RAB10: variants seen among roughly 807,000 people sequenced by gnomAD.
RAB10 encodes ras-related protein Rab-10.
Under a neutral mutation model 25.7 loss-of-function variants are expected in RAB10, and 5 were observed. The observed-to-expected ratio is 0.19, with a 90% CI of 0.10 to 0.41. The LOEUF is 0.41. Among genes scored for constraint, RAB10 ranks in the 10% least tolerant of loss-of-function variants. The pLI is 1.00. For missense variants in RAB10, 103 were observed against 245.8 expected, an observed-to-expected ratio of 0.42 and a Z score of 3.89; for synonymous variants, 89 against 86.4, an observed-to-expected ratio of 1.03 and a Z score of -0.16.
intron 1 of RAB10, among the ~76,000 whole-genome samples, chr2:26,096,124 T>C (rs948402792): frequency 6.6e-6 from 1 of 152,226 alleles, no homozygotes; most frequent in African/African-American, 2.4e-5. Flanking sequence ...TTTCAGTTTA[T>C]TGGGACTGCT....
At position 26,034,630 on chromosome 2, in the gene RAB10, C is replaced by A. The variant is rs764009201; in HGVS notation, c.22C>A (p.Leu8Met). MAKKTYD[L>M]LFKLLLIGDS... ...CCCAATGGCGAAGAAGACGTACGACCTGCTTTTCAAGCTGCTCCTGATCGG... is the reference window on the plus strand; with the variant it reads ...CCCAATGGCGAAGAAGACGTACGACATGCTTTTCAAGCTGCTCCTGATCGG... The change falls in exon 1 of 6, where the codon CTG (leucine) becomes ATG (methionine). Residue 8 changes from leucine to methionine, a missense_variant. Physicochemically the swap from Leu to Met is conservative, Grantham distance 15. Around this residue, in one of 2 missense-constraint regions of RAB10, gnomAD observed 79 missense variants for 217.8 expected, o/e 0.36. Coordinates refer to ENST00000264710, the MANE Select transcript of RAB10 (RefSeq NM_016131.5). The A allele has an allele frequency of 2.5e-6, 4 of 1,613,890 alleles. No individual in the cohort carries two copies. The African/African-American group carries it at 5.3e-5, about 22-fold the overall frequency.
At chr2:26,109,172 A>G (rs1170290990) in intron 2 of RAB10, among the ~76,000 whole-genome samples, 6 of 152,180 alleles carry the variant, frequency 3.9e-5, no homozygotes, top group Non-Finnish European at 8.8e-5. Context: ...AGCCTCCCGA[A>G]GGGCTGGGAT....
At chr2:26,080,910 C>T (rs1666855630) in intron 1 of RAB10, among the ~76,000 whole-genome samples, 1 of 152,130 alleles carries the variant, frequency 6.6e-6, no homozygotes, top group Non-Finnish European at 1.5e-5. Context: ...AGTAATAAGA[C>T]CTGTTGATAT....
At chr2:26,122,567 G>A (rs564654261) in intron 3 of RAB10, among the ~76,000 whole-genome samples, 80 of 151,644 alleles carry the variant, frequency 5.3e-4, no homozygotes, top group African/African-American at 1.9e-3. Flanking sequence ...GGCAGAGCTT[G>A]CAGTGAGCTG....
intron 5 of RAB10, among the ~76,000 whole-genome samples, chr2:26,128,672 C>T (rs559959520): frequency 9.7e-4 from 148 of 152,226 alleles, no homozygotes; most frequent in African/African-American, 3.4e-3. Context: ...CCATATTAGT[C>T]ACTTCTCAGG....
At chr2:26,105,613 CCA>C (rs1667451229) in intron 2 of RAB10, among the ~76,000 whole-genome samples, 1 of 151,964 alleles carries the variant, frequency 6.6e-6, no homozygotes, top group African/African-American at 2.4e-5. Context: ...CGAGATTGTG[CCA>C]CTGTACTCTG....
chr2:26,108,513 G>A (rs1285923052), intron 2 of RAB10, among the ~76,000 whole-genome samples: 2 of 152,096 alleles, frequency 1.3e-5, no homozygotes, highest in African/African-American at 4.8e-5. Flanking sequence ...GGGGAGTAAA[G>A]AGGTGATGTA....
intron 1 of RAB10, among the ~76,000 whole-genome samples, chr2:26,057,909 C>T (rs1446967535): frequency 6.6e-6 from 1 of 152,172 alleles, no homozygotes; most frequent in Non-Finnish European, 1.5e-5. Flanking sequence ...CAGGTGTGAG[C>T]CACCATGCCC....
Position 26,058,617 on chromosome 2 carries a change from T to A in RAB10, c.127+23882T>A, listed in dbSNP as rs75287877. ...AGCTTCAACTCCTAACTTAGATTGT[T>A]TTGTTTACCCTGCAGCAATTCATCT... On this transcript the variant is annotated intron_variant, in intron 1 of 5. Coordinates refer to ENST00000264710, the MANE Select transcript of RAB10 (RefSeq NM_016131.5). Among the ~76,000 whole-genome samples the A allele has an allele frequency of 2.6e-3, 389 of 152,258 alleles. 3 individuals carry two copies. Among genetic ancestry groups the A allele is most frequent in the Non-Finnish European group, 4.6e-3 (315 of 68,018 alleles).
chr2:26,054,211 C>G (rs1455175065), intron 1 of RAB10, among the ~76,000 whole-genome samples: 4 of 151,532 alleles, frequency 2.6e-5, no homozygotes, highest in Non-Finnish European at 5.9e-5. Context: ...CCACGCCCAC[C>G]TAATTTTTTT....
Position 26,086,021 on chromosome 2 carries a change from G to A in RAB10, c.128-12641G>A, listed in dbSNP as rs527241411. On this transcript the variant is annotated intron_variant, in intron 1 of 5. Coordinates refer to ENST00000264710, the MANE Select transcript of RAB10 (RefSeq NM_016131.5). ...TCCAAAAAAAAAAAAAAAAAAAGGG[G>A]GGGGGCAAAGGGGCCCGATGCGGTA... Among the ~76,000 whole-genome samples the A allele has an allele frequency of 1.9e-3, 271 of 140,696 alleles. 2 individuals are homozygous for A. In the Middle Eastern group the frequency reaches 0.024, roughly 12 times the overall value. 92.3% of individuals were successfully genotyped at this position (140,696 alleles called of 152,430 possible). A position where few individuals can be genotyped will look rare whatever the true frequency, so the allele number is the denominator to read the frequency against.
chr2:26,082,477 CAG>C (rs1574542964), intron 1 of RAB10, among the ~76,000 whole-genome samples: 1 of 151,956 alleles, frequency 6.6e-6, no homozygotes, highest in African/African-American at 2.4e-5. Context: ...TACCTAATAA[CAG>C]AATATCAAAA....
At chr2:26,055,022 T>A (rs1666225852) in intron 1 of RAB10, among the ~76,000 whole-genome samples, 2 of 56,414 alleles carry the variant, frequency 3.5e-5, no homozygotes, top group African/African-American at 7.1e-5. Flanking sequence ...GAGATGAGCA[T>A]AGTCTTTTTT....
upstream of RAB10, among the ~76,000 whole-genome samples, chr2:26,033,906 G>C (rs1665694435): frequency 1.3e-5 from 2 of 152,194 alleles, no homozygotes; most frequent in Non-Finnish European, 2.9e-5. Flanking sequence ...CGCGCCCGCG[G>C]CCTCGCCCTT....
At chr2:26,056,513 A>G in intron 1 of RAB10, among the ~76,000 whole-genome samples, 1 of 152,074 alleles carries the variant, frequency 6.6e-6, no homozygotes, top group East Asian at 1.9e-4. Flanking sequence ...TTTAAGATGT[A>G]GAATTTTAAA....
In RAB10 at chr2:26,040,279, G is replaced by A. The variant is rs909600529; in HGVS notation, c.127+5544G>A. The stretch of plus-strand genomic sequence containing the variant: ...CAATCCTCCTTCCTCGGCCTCTCAC[G>A]TAGCTGGGACTACAGGCGAGCACCA... On this transcript the variant is annotated intron_variant, in intron 1 of 5. Coordinates refer to ENST00000264710, the MANE Select transcript of RAB10 (RefSeq NM_016131.5). Among the ~76,000 whole-genome samples, 12 of 152,216 alleles carry A rather than the reference G, an allele frequency of 7.9e-5. No individual in the cohort carries two copies. The South Asian group carries it at 1.7e-3, about 21-fold the overall frequency.
chr2:26,045,238 CTTTTTTT>C (rs202201784), intron 1 of RAB10, among the ~76,000 whole-genome samples: 111 of 146,334 alleles, frequency 7.6e-4, no homozygotes, highest in Non-Finnish European at 7.5e-4. Context: ...TCTCTTTCAA[CTTTTTTT>C]TTTTTTTTTT....
At chr2:26,052,066 A>AC (rs200319406) in intron 1 of RAB10, among the ~76,000 whole-genome samples, 8 of 151,720 alleles carry the variant, frequency 5.3e-5, no homozygotes, top group African/African-American at 1.9e-4. Flanking sequence ...CAAAAAAAAA[A>AC]AAACAAAAAG....
chr2:26,087,693 C>A (rs953797634), intron 1 of RAB10, among the ~76,000 whole-genome samples: 2 of 152,156 alleles, frequency 1.3e-5, no homozygotes, highest in Non-Finnish European at 2.9e-5. Context: ...TGAGCCACCA[C>A]GCCCAGCCTT....
Sources: gnomAD v4.1 joint callset for allele counts (sites outside exome capture counted in the v4.1 genomes callset) on GRCh38, gnomAD v4.1.1 for gene constraint, gnomAD v4.1.1 regional missense constraint, MANE v1.5 for transcripts, NCBI Gene and HGNC (gene_info 2026-07-23, HGNC 2026-07-21) for gene names.